CREB5: variants seen among roughly 807,000 people sequenced by gnomAD.
CREB5 encodes the protein cAMP responsive element binding protein 5, also known as cyclic AMP-responsive element-binding protein 5.
CREB5 carries 19 observed loss-of-function variants against 57.1 expected under a neutral mutation model. The observed-to-expected ratio is 0.33, with a 90% CI of 0.23 to 0.49. The LOEUF is 0.49. Ranked by LOEUF, CREB5 falls within the 20% of genes least tolerant of loss-of-function variation. CREB5 has a pLI of 0.99. For missense variants in CREB5, 579 were observed against 671.6 expected (o/e 0.86, Z 1.52); for synonymous variants, 238 against 238.3 (o/e 1.00, Z 0.01).
intron 7 of CREB5, among the ~76,000 whole-genome samples, chr7:28,730,285 G>A (rs925209924): frequency 2.6e-5 from 4 of 152,014 alleles, no homozygotes; most frequent in Non-Finnish European, 4.4e-5. Flanking sequence ...GCAGGCTCAA[G>A]TAATCCTCCC....
intron 1 of CREB5, among the ~76,000 whole-genome samples, chr7:28,350,497 C>G (rs1330539557): frequency 6.6e-6 from 1 of 151,632 alleles, no homozygotes; most frequent in African/African-American, 2.4e-5. Context: ...ATTACTATAC[C>G]TGTTTCCTCT....
chr7:28,623,485 G>T (rs551727943), intron 5 of CREB5, among the ~76,000 whole-genome samples: 14 of 152,298 alleles, frequency 9.2e-5, no homozygotes, highest in Non-Finnish European at 2.9e-5. Context: ...GTTGTCTCAG[G>T]CCAGAGTTTA....
chr7:28,377,323 GA>G (rs975492271), intron 1 of CREB5, among the ~76,000 whole-genome samples: 16 of 152,046 alleles, frequency 1.1e-4, no homozygotes, highest in African/African-American at 3.6e-4. Context: ...AACTCAGTAT[GA>G]AAAAACTTTA....
intron 1 of CREB5, among the ~76,000 whole-genome samples, chr7:28,466,113 T>C (rs1283880379): frequency 6.6e-6 from 1 of 151,718 alleles, no homozygotes; most frequent in Non-Finnish European, 1.5e-5. Context: ...AAAAGTGTTA[T>C]GTTATAAGTA....
intron 1 of CREB5, among the ~76,000 whole-genome samples, chr7:28,305,301 A>G (rs1026362519): frequency 7.2e-5 from 11 of 152,120 alleles, no homozygotes; most frequent in African/African-American, 2.7e-4. Context: ...TCTCTTGTCC[A>G]GCCTTTTGCT....
chr7:28,496,327 G>C (rs1444681661), intron 3 of CREB5, among the ~76,000 whole-genome samples: 1 of 152,096 alleles, frequency 6.6e-6, no homozygotes, highest in Non-Finnish European at 1.5e-5. Context: ...ATGTAATTTA[G>C]TGTTTCTATG....
intron 5 of CREB5, among the ~76,000 whole-genome samples, chr7:28,643,609 T>C (rs1344758309): frequency 6.6e-6 from 1 of 152,178 alleles, no homozygotes; most frequent in Admixed American, 6.5e-5. Flanking sequence ...AAATACCTAC[T>C]TCAACAGGTT....
chr7:28,777,562 G>GA (rs1309313660), intron 7 of CREB5, among the ~76,000 whole-genome samples: 2 of 152,022 alleles, frequency 1.3e-5, no homozygotes, highest in African/African-American at 4.8e-5. Context: ...TGAATGAAAA[G>GA]AAAAAATAAG....
chr7:28,474,143 G>T (rs1260917660), intron 1 of CREB5, among the ~76,000 whole-genome samples: 1 of 152,148 alleles, frequency 6.6e-6, no homozygotes, highest in Non-Finnish European at 1.5e-5. Context: ...GAGAGGGGAA[G>T]TTTTCTCTTA....
intron 1 of CREB5, among the ~76,000 whole-genome samples, chr7:28,302,514 G>A (rs1785114145): frequency 6.6e-6 from 1 of 152,170 alleles, no homozygotes; most frequent in African/African-American, 2.4e-5. Context: ...AGGATTTAGA[G>A]CTGGAGGAGA....
At chr7:28,733,313 T>C (rs137873191) in intron 7 of CREB5, among the ~76,000 whole-genome samples, 1 of 152,320 alleles carries the variant, frequency 6.6e-6, no homozygotes, top group African/African-American at 2.4e-5. Flanking sequence ...GCACCTTGCA[T>C]AGGAACATGT....
Position 28,474,925 on chromosome 7 carries a change from C to T in CREB5, c.4-13250C>T, listed in dbSNP as rs369297976. On this transcript the variant is annotated intron_variant, in intron 1 of 10. Coordinates refer to ENST00000357727, the MANE Select transcript of CREB5 (RefSeq NM_182898.4). Reference sequence around the variant, plus strand: ...AAACACTTCTTTGAGATTAAAAACGCCTGACACATAGGATGTGATGGTATG... The same window carrying T: ...AAACACTTCTTTGAGATTAAAAACGTCTGACACATAGGATGTGATGGTATG... Among the ~76,000 whole-genome samples the T allele has an allele frequency of 2.4e-4, 37 of 152,238 alleles. No individual in the cohort carries two copies. In the South Asian group the frequency reaches 7.5e-3, roughly 31 times the overall value.
chr7:28,643,751 TG>T lies in CREB5; in HGVS notation c.464+73223del, dbSNP rs1554279434. On this transcript the variant is annotated intron_variant, in intron 5 of 10. Transcript: ENST00000357727. Reference sequence around the variant, plus strand: ...ACGAATAGTTCACGGGTTTGGGAGGTGGGGGGGGGCGGAAGAAAAAAAAAAA... The same window carrying T: ...ACGAATAGTTCACGGGTTTGGGAGGTGGGGGGGGCGGAAGAAAAAAAAAAA... 6.6e-3 allele frequency among the ~76,000 whole-genome samples: 875 copies of T among 133,548 alleles called. 17 individuals are homozygous for T. The highest frequency in any genetic ancestry group is 0.023 in the African/African-American group (795 of 35,064). 87.6% of individuals were successfully genotyped at this position (133,548 alleles called of 152,430 possible). A position where few individuals can be genotyped will look rare whatever the true frequency, so the allele number is the denominator to read the frequency against.
In CREB5 at chr7:28,588,350, A is replaced by G. The variant is rs529247966; in HGVS notation, c.464+17813A>G. On this transcript the variant is annotated intron_variant, in intron 5 of 10. Coordinates refer to ENST00000357727, the MANE Select transcript of CREB5 (RefSeq NM_182898.4). ...ATAGTTACATGGGGTTTGTTTCCAC[A>G]TAGGTTTTAAGTCTGTAAAGCAGAA... Among the ~76,000 whole-genome samples, 9 of 152,256 alleles carry G rather than the reference A, an allele frequency of 5.9e-5. No homozygotes were observed. In the South Asian group the frequency reaches 1.7e-3, roughly 28 times the overall value.
chr7:28,701,871 G>T (rs982743156), intron 5 of CREB5, among the ~76,000 whole-genome samples: 1 of 152,166 alleles, frequency 6.6e-6, no homozygotes, highest in Admixed American at 6.5e-5. Context: ...AATAAAAAGA[G>T]AAATACTTAA....
chr7:28,628,144 T>A (rs1379762551), intron 5 of CREB5, among the ~76,000 whole-genome samples: 1 of 151,938 alleles, frequency 6.6e-6, no homozygotes, highest in Non-Finnish European at 1.5e-5. Context: ...CAGGATCAGC[T>A]CAGCTTTTCA....
intron 5 of CREB5, among the ~76,000 whole-genome samples, chr7:28,614,055 C>G (rs41283): frequency 0.84 from 127,314 of 152,192 alleles, 53,328 homozygotes; most frequent in East Asian, 0.98. Flanking sequence ...GAACTACCAG[C>G]CTCAAGAGAT....
At chr7:28,667,972 C>A (rs1013075424) in intron 5 of CREB5, among the ~76,000 whole-genome samples, 3 of 152,064 alleles carry the variant, frequency 2.0e-5, no homozygotes, top group Admixed American at 2.0e-4. Context: ...AAAAAATGCA[C>A]GTCTGCCTTT....
At chr7:28,312,204 A>AT (rs1554301409) in intron 1 of CREB5, among the ~76,000 whole-genome samples, 48 of 151,236 alleles carry the variant, frequency 3.2e-4, no homozygotes, top group Non-Finnish European at 8.8e-5. Flanking sequence ...AAAAAAAAAA[A>AT]GTGGAATTTT....
Sources: gnomAD v4.1 joint callset for allele counts (sites outside exome capture counted in the v4.1 genomes callset) on GRCh38, gnomAD v4.1.1 for gene constraint, MANE v1.5 for transcripts, NCBI Gene and HGNC (gene_info 2026-07-23, HGNC 2026-07-21) for gene names.